Variants in NOS1AP observed in about 807,000 individuals in gnomAD.
NOS1AP encodes the protein carboxyl-terminal PDZ ligand of neuronal nitric oxide synthase protein.
NOS1AP carries 21 observed loss-of-function variants against 56.2 expected under a neutral mutation model. The ratio of observed to expected loss-of-function variants is 0.37; its 90% CI spans 0.26 to 0.54. NOS1AP has a LOEUF of 0.54. Ranked by LOEUF, NOS1AP falls within the 20% of genes least tolerant of loss-of-function variation. The probability of loss-of-function intolerance (pLI) is 0.84; values close to 1 mark genes in which losing one functional copy is unlikely to be tolerated. For missense variants in NOS1AP, 522 were observed against 657.8 expected (o/e 0.79, Z 2.26); for synonymous variants, 270 against 274.6 (o/e 0.98, Z 0.17).
rs1419231612 is a variant in NOS1AP at position 162,069,937 on chromosome 1, G to T, written c.-241G>T. 1.4e-5 allele frequency: 3 copies of T among 220,838 alleles called. No homozygotes were observed. The highest frequency in any genetic ancestry group is 2.6e-5 in the Non-Finnish European group (3 of 113,712). 13.7% of individuals were successfully genotyped at this position (220,838 alleles called of 1,614,324 possible). On this transcript the variant is annotated 5_prime_UTR_variant, in exon 1 of 10. Transcript: ENST00000361897. ...CACCTCCTCCCCTGCCGCCCTCCTA[G>T]CCGGCAGGAATTGCGCGACCACAGC...
At chr1:162,336,894 C>T (rs1293525305) in intron 5 of NOS1AP, among the ~76,000 whole-genome samples, 1 of 152,198 alleles carries the variant, frequency 6.6e-6, no homozygotes, top group Non-Finnish European at 1.5e-5. Context: ...GACCCTAGCA[C>T]TCTTCAGACC....
chr1:162,107,088 G>A (rs761284343), intron 1 of NOS1AP, among the ~76,000 whole-genome samples: 14 of 152,038 alleles, frequency 9.2e-5, no homozygotes, highest in Non-Finnish European at 1.8e-4. Flanking sequence ...AAAAGAAATG[G>A]GAAATATATC....
chr1:162,332,373 C>G (rs987381831), intron 4 of NOS1AP, among the ~76,000 whole-genome samples: 6 of 152,112 alleles, frequency 3.9e-5, no homozygotes, highest in African/African-American at 1.5e-4. Context: ...TTTGCATTGT[C>G]TACGTGTAAG....
At chr1:162,342,519 G>A (rs746406407) in intron 5 of NOS1AP, 2 of 475,050 alleles carry the variant, frequency 4.2e-6, no homozygotes, top group South Asian at 3.1e-5. Flanking sequence ...CATGCACAGG[G>A]TTCCAAGGTC....
chr1:162,092,671 T>C (rs1692160904), intron 1 of NOS1AP, among the ~76,000 whole-genome samples: 1 of 152,204 alleles, frequency 6.6e-6, no homozygotes, highest in Admixed American at 6.5e-5. Context: ...AGTGAATGAA[T>C]CTGTTTGGAG....
At chr1:162,144,960 C>T (rs955926542) in intron 1 of NOS1AP, among the ~76,000 whole-genome samples, 9 of 152,150 alleles carry the variant, frequency 5.9e-5, no homozygotes, top group Non-Finnish European at 1.3e-4. Flanking sequence ...TAGAGAATTG[C>T]ATGGCATTAG....
intron 1 of NOS1AP, among the ~76,000 whole-genome samples, chr1:162,137,034 T>A (rs1037104850): frequency 6.6e-6 from 1 of 152,200 alleles, no homozygotes; most frequent in African/African-American, 2.4e-5. Flanking sequence ...ACTTGATCTC[T>A]GAATTTCCGT....
chr1:162,227,924 A>G (rs541702482), intron 2 of NOS1AP, among the ~76,000 whole-genome samples: 1 of 152,366 alleles, frequency 6.6e-6, no homozygotes, highest in African/African-American at 2.4e-5. Flanking sequence ...AAAAGTTTGA[A>G]AAGTGTGTAT....
intron 2 of NOS1AP, among the ~76,000 whole-genome samples, chr1:162,268,496 A>G (rs1302566660): frequency 6.6e-6 from 1 of 152,186 alleles, no homozygotes; most frequent in Non-Finnish European, 1.5e-5. Flanking sequence ...AACAAGCCCT[A>G]GTCACTCACA....
At chr1:162,310,976 A>T (rs953117744) in intron 4 of NOS1AP, among the ~76,000 whole-genome samples, 2 of 151,828 alleles carry the variant, frequency 1.3e-5, no homozygotes, top group Non-Finnish European at 2.9e-5. Context: ...GTCTTCCTGG[A>T]TACCCTCTTT....
intron 1 of NOS1AP, among the ~76,000 whole-genome samples, chr1:162,081,774 A>ATATATATATATTTTTTTTT: frequency 2.5e-4 from 11 of 44,056 alleles, no homozygotes; most frequent in African/African-American, 6.9e-4. Flanking sequence ...ATATATATAT[A>ATATATATATATTTTTTTTT]TTTTTTTTTT....
chr1:162,090,068 C>A (rs2102021850), intron 1 of NOS1AP, among the ~76,000 whole-genome samples: 1 of 152,214 alleles, frequency 6.6e-6, no homozygotes. Flanking sequence ...CCAAAACTTA[C>A]ATTCTTGTTT....
intron 1 of NOS1AP, among the ~76,000 whole-genome samples, chr1:162,150,021 AATAAGTTATTGTTGACT>A (rs1649644421): frequency 6.6e-6 from 1 of 152,172 alleles, no homozygotes. Flanking sequence ...TTAAATGTAC[AATAAGTTATTGTTGACT>A]ATAGTCATCC....
At chr1:162,112,301 C>G (rs1335351193) in intron 1 of NOS1AP, among the ~76,000 whole-genome samples, 1 of 152,194 alleles carries the variant, frequency 6.6e-6, no homozygotes, top group Non-Finnish European at 1.5e-5. Context: ...TCTGTGGAAG[C>G]CAACAAAAGA....
At chr1:162,158,525 G>A (rs1197173479) in intron 2 of NOS1AP, among the ~76,000 whole-genome samples, 3 of 152,012 alleles carry the variant, frequency 2.0e-5, no homozygotes, top group African/African-American at 4.8e-5. Flanking sequence ...GTGATCGCTG[G>A]GTATGGTAGT....
At chr1:162,169,953 T>G (rs1406396424) in intron 2 of NOS1AP, among the ~76,000 whole-genome samples, 1 of 152,164 alleles carries the variant, frequency 6.6e-6, no homozygotes, top group Non-Finnish European at 1.5e-5. Context: ...CTCCCTTTCC[T>G]GCCTGTATGG....
intron 2 of NOS1AP, among the ~76,000 whole-genome samples, chr1:162,171,603 C>G (rs1650784964): frequency 6.6e-6 from 1 of 152,128 alleles, no homozygotes; most frequent in Non-Finnish European, 1.5e-5. Context: ...TCAGCCATCC[C>G]CACCCCTGAA....
intron 2 of NOS1AP, among the ~76,000 whole-genome samples, chr1:162,165,572 G>A (rs887206507): frequency 1.3e-5 from 2 of 152,150 alleles, no homozygotes; most frequent in African/African-American, 4.8e-5. Context: ...GTGGTAAGTG[G>A]GGAATCTAGG....
intron 2 of NOS1AP, among the ~76,000 whole-genome samples, chr1:162,162,131 G>C (rs1355952992): frequency 6.6e-6 from 1 of 152,216 alleles, no homozygotes; most frequent in Non-Finnish European, 1.5e-5. Context: ...TTGTCTGCCT[G>C]AGCACTGTCA....
Sources: gnomAD v4.1 joint callset for allele counts (sites outside exome capture counted in the v4.1 genomes callset) on GRCh38, gnomAD v4.1.1 for gene constraint, MANE v1.5 for transcripts, NCBI Gene and HGNC (gene_info 2026-07-23, HGNC 2026-07-21) for gene names.